OCIAD1: variants seen among roughly 807,000 people sequenced by gnomAD.
The protein encoded by OCIAD1 is OCIA domain containing 1, also known as OCIA domain-containing protein 1.
A neutral mutation model predicts 38.9 loss-of-function variants in OCIAD1; 29 were observed. That is an observed-to-expected ratio of 0.74 (90% CI 0.55 to 1.02). The LOEUF (loss-of-function observed/expected upper bound fraction) is 1.02, where lower values mean the gene tolerates loss of function less well. Ranked by LOEUF, OCIAD1 falls within the 50% of genes least tolerant of loss-of-function variation. The probability of loss-of-function intolerance (pLI) is 0.00; values close to 1 mark genes in which losing one functional copy is unlikely to be tolerated. For missense variants in OCIAD1, 288 were observed against 289.6 expected (o/e 0.99, Z 0.04); for synonymous variants, 110 against 92.0 (o/e 1.20, Z -1.12).
intron 8 of OCIAD1, among the ~76,000 whole-genome samples, chr4:48,859,940 G>A (rs1255063559): frequency 2.0e-5 from 3 of 152,118 alleles, no homozygotes; most frequent in East Asian, 3.8e-4. Flanking sequence ...AGAGCAAGGG[G>A]AAAAGGCAAA....
At chr4:48,810,695 A>T (rs778771991) in intron 1 of OCIAD1, among the ~76,000 whole-genome samples, 11 of 151,934 alleles carry the variant, frequency 7.2e-5, no homozygotes, top group Non-Finnish European at 1.3e-4. Context: ...AAAAAATTAA[A>T]ATCCTGCCTC....
chr4:48,831,817 C>T (rs943504796), intron 1 of OCIAD1, among the ~76,000 whole-genome samples: 4 of 152,024 alleles, frequency 2.6e-5, no homozygotes, highest in Non-Finnish European at 5.9e-5. Flanking sequence ...GGCTTATTGA[C>T]TGAATGAATT....
At chr4:48,842,498 A>C in intron 3 of OCIAD1, 138 bp from the exon 4 acceptor site, 1 of 629,118 alleles carries the variant, frequency 1.6e-6, no homozygotes, top group South Asian at 1.9e-5. Flanking sequence ...AGCTTTTAAA[A>C]ATGGAACAGT....
At position 48,861,087 on chromosome 4, in the gene OCIAD1, A is replaced by T. The variant is rs1279179677; in HGVS notation, c.*325A>T. ...ATGCTCTAGAATCAGCATATAAGAA[A>T]ATAAATGATATCTGCATGTTGAATT... On this transcript the variant is annotated 3_prime_UTR_variant, in exon 9 of 9. Transcript: ENST00000264312. 1 of 236,042 alleles carries T rather than the reference A, an allele frequency of 4.2e-6. No homozygotes were observed. The highest frequency in any genetic ancestry group is 5.6e-5 in the Admixed American group (1 of 17,940). 14.6% of individuals were successfully genotyped at this position (236,042 alleles called of 1,614,324 possible). A position where few individuals can be genotyped will look rare whatever the true frequency, so the allele number is the denominator to read the frequency against.
At chr4:48,829,683 A>T (rs948380318), upstream of OCIAD1, among the ~76,000 whole-genome samples, 1 of 152,216 alleles carries the variant, frequency 6.6e-6, no homozygotes, top group Non-Finnish European at 1.5e-5. Flanking sequence ...CTGGAAGAAC[A>T]GTGGTCTAGA....
intron 5 of OCIAD1, among the ~76,000 whole-genome samples, chr4:48,848,989 T>G (rs1304131850): frequency 6.6e-6 from 1 of 152,200 alleles, no homozygotes; most frequent in African/African-American, 2.4e-5. Context: ...GTTCATGTCC[T>G]CTGTAGGGAC....
chr4:48,847,580 C>T (rs1290916064), intron 4 of OCIAD1, among the ~76,000 whole-genome samples: 1 of 152,094 alleles, frequency 6.6e-6, no homozygotes, highest in Non-Finnish European at 1.5e-5. Flanking sequence ...GATTATTGTT[C>T]GATGTAGGAT....
At chr4:48,835,079 G>C (rs555849519) in intron 3 of OCIAD1, among the ~76,000 whole-genome samples, 2 of 152,144 alleles carry the variant, frequency 1.3e-5, no homozygotes, top group Non-Finnish European at 1.5e-5. Flanking sequence ...GACTACAGGC[G>C]TGCGCCACCA....
In OCIAD1 at chr4:48,857,358, A is replaced by T. The variant is rs1421754988; in HGVS notation, c.693A>T (p.Lys231Asn). ...GGCCTATGCATGAAAGAGTGCCAAA[A>T]AAAGAAGGTATGATAGTTTAGTCTG... ...SVRPMHERVP[K>N]KEVKVNKYGD... The change falls in exon 8 of 9, where the codon AAA becomes AAT. Residue 231 changes from lysine to asparagine, a missense_variant. By Grantham distance (94) the Lys-to-Asn change is moderately conservative. Coordinates refer to ENST00000264312, the MANE Select transcript of OCIAD1 (RefSeq NM_017830.4). 6.5e-6 allele frequency: 10 copies of T among 1,546,950 alleles called. No individual in the cohort carries two copies. The Admixed American group carries it at 1.9e-4, about 29-fold the overall frequency.
chr4:48,806,693 C>T (rs1166702186), intron 1 of OCIAD1, among the ~76,000 whole-genome samples: 1 of 152,106 alleles, frequency 6.6e-6, no homozygotes, highest in Non-Finnish European at 1.5e-5. Context: ...GAAACCTCTG[C>T]CTCCCAGGTT....
chr4:48,814,255 T>TA (rs1777120869), intron 1 of OCIAD1, among the ~76,000 whole-genome samples: 1 of 150,704 alleles, frequency 6.6e-6, no homozygotes, highest in South Asian at 2.1e-4. Flanking sequence ...TTTTTTTTTT[T>TA]AATCCTTGCC....
chr4:48,845,659 A>G (rs187730701), intron 4 of OCIAD1, among the ~76,000 whole-genome samples: 65 of 152,336 alleles, frequency 4.3e-4, no homozygotes, highest in Middle Eastern at 3.4e-3. Flanking sequence ...TATAATATGT[A>G]TGGCCCTTCT....
chr4:48,851,679 A>G, intron 6 of OCIAD1, 127 bp from the exon 7 acceptor site: 1 of 477,752 alleles, frequency 2.1e-6, no homozygotes, highest in Admixed American at 3.9e-5. Context: ...CTGTCTCAAA[A>G]AAATAAAAAA....
At chr4:48,850,650 T>G (rs1315272401) in intron 6 of OCIAD1, among the ~76,000 whole-genome samples, 2 of 152,198 alleles carry the variant, frequency 1.3e-5, no homozygotes, top group Non-Finnish European at 2.9e-5. Flanking sequence ...CTCGGCTCAC[T>G]GCAACCTCTG....
chr4:48,828,861 C>T (rs1777280044), upstream of OCIAD1, among the ~76,000 whole-genome samples: 1 of 152,186 alleles, frequency 6.6e-6, no homozygotes, highest in African/African-American at 2.4e-5. Context: ...ACCAAGAACC[C>T]ACCAATTTAG....
upstream of OCIAD1, among the ~76,000 whole-genome samples, chr4:48,827,861 CTTGGAGAACT>C (rs1777265660): frequency 6.6e-6 from 1 of 152,196 alleles, no homozygotes; most frequent in Admixed American, 6.5e-5. Context: ...TGGGTGGGGA[CTTGGAGAACT>C]TTTATGTCTA....
At chr4:48,854,138 C>T (rs1779788818) in intron 7 of OCIAD1, among the ~76,000 whole-genome samples, 1 of 152,122 alleles carries the variant, frequency 6.6e-6, no homozygotes, top group Non-Finnish European at 1.5e-5. Context: ...CAGTAGTCCC[C>T]CCTTATCCAT....
upstream of OCIAD1, among the ~76,000 whole-genome samples, chr4:48,827,337 A>G (rs574518363): frequency 4.6e-4 from 70 of 152,310 alleles, no homozygotes; most frequent in African/African-American, 1.6e-3. Context: ...GAAATTTCTT[A>G]TGGTACATTT....
chr4:48,855,952 A>G (rs779078663), intron 7 of OCIAD1: 5 of 152,194 alleles, frequency 3.3e-5, no homozygotes, highest in African/African-American at 4.8e-5. Flanking sequence ...TTAAAAAGTT[A>G]ATATTAAAAG....
Sources: gnomAD v4.1 joint callset for allele counts (sites outside exome capture counted in the v4.1 genomes callset) on GRCh38, gnomAD v4.1.1 for gene constraint, MANE v1.5 for transcripts, NCBI Gene and HGNC (gene_info 2026-07-23, HGNC 2026-07-21) for gene names.